Variants in STT3B observed in about 807,000 individuals in gnomAD.
The protein encoded by STT3B is STT3 oligosaccharyltransferase complex catalytic subunit B, also known as dolichyl-diphosphooligosaccharide--protein glycosyltransferase subunit STT3B.
STT3B carries 29 observed loss-of-function variants against 96.8 expected under a neutral mutation model. The ratio of observed to expected loss-of-function variants is 0.30; its 90% CI spans 0.22 to 0.41. The LOEUF (loss-of-function observed/expected upper bound fraction) is 0.41, where lower values mean the gene tolerates loss of function less well. Among genes scored for constraint, STT3B ranks in the 10% least tolerant of loss-of-function variants. STT3B has a pLI of 1.00. For missense variants in STT3B, 640 were observed against 1,022.3 expected, an observed-to-expected ratio of 0.63 and a Z score of 5.10; for synonymous variants, 367 against 360.0, an observed-to-expected ratio of 1.02 and a Z score of -0.22.
chr3:31,572,117 A>G (rs1428298857), intron 1 of STT3B, among the ~76,000 whole-genome samples: 3 of 135,518 alleles, frequency 2.2e-5, no homozygotes, highest in Non-Finnish European at 3.1e-5. Flanking sequence ...TATATTATAT[A>G]TCTCAAAAAG....
chr3:31,598,339 A>G (rs1212670476), intron 4 of STT3B, among the ~76,000 whole-genome samples: 1 of 152,214 alleles, frequency 6.6e-6, no homozygotes, highest in East Asian at 1.9e-4. Flanking sequence ...TAACTGCTTA[A>G]TGTTAAAATC....
intron 3 of STT3B, among the ~76,000 whole-genome samples, chr3:31,583,639 C>T (rs567859911): frequency 1.1e-4 from 16 of 152,174 alleles, no homozygotes; most frequent in African/African-American, 3.6e-4. Context: ...TACATAACTG[C>T]ATGTAGTTGG....
chr3:31,555,786 CATATTTAAT>C (rs1047737666), intron 1 of STT3B, among the ~76,000 whole-genome samples: 3 of 152,158 alleles, frequency 2.0e-5, no homozygotes, highest in African/African-American at 7.2e-5. Flanking sequence ...TAATATTTTA[CATATTTAAT>C]GGTGTACATA....
intron 3 of STT3B, among the ~76,000 whole-genome samples, chr3:31,582,032 G>A (rs1462958048): frequency 6.6e-6 from 1 of 152,156 alleles, no homozygotes; most frequent in Non-Finnish European, 1.5e-5. Flanking sequence ...TATGGAATCA[G>A]TAGTAATGTC....
At chr3:31,597,454 G>T (rs1333333107) in intron 4 of STT3B, among the ~76,000 whole-genome samples, 1 of 151,966 alleles carries the variant, frequency 6.6e-6, no homozygotes, top group African/African-American at 2.4e-5. Flanking sequence ...CACCATGCCT[G>T]GCCTGTCATT....
At chr3:31,555,582 G>A (rs1697685226) in intron 1 of STT3B, among the ~76,000 whole-genome samples, 1 of 151,874 alleles carries the variant, frequency 6.6e-6, no homozygotes, top group Admixed American at 6.6e-5. Flanking sequence ...TTGAATCATA[G>A]GCCCTTATTA....
chr3:31,629,650 A>G (rs976940567), intron 14 of STT3B, among the ~76,000 whole-genome samples: 3 of 152,210 alleles, frequency 2.0e-5, no homozygotes, highest in African/African-American at 7.2e-5. Flanking sequence ...CCTCAAATCC[A>G]ATCTTTGCTT....
At chr3:31,608,624 T>G (rs1466618656) in intron 5 of STT3B, among the ~76,000 whole-genome samples, 3 of 152,188 alleles carry the variant, frequency 2.0e-5, no homozygotes, top group Non-Finnish European at 2.9e-5. Context: ...ATAGAAACAG[T>G]CTTCATGTTC....
At chr3:31,570,029 A>G (rs1442130125) in intron 1 of STT3B, among the ~76,000 whole-genome samples, 1 of 152,172 alleles carries the variant, frequency 6.6e-6, no homozygotes, top group Non-Finnish European at 1.5e-5. Context: ...ATGAACCTCC[A>G]TGAATACATC....
intron 3 of STT3B, among the ~76,000 whole-genome samples, chr3:31,587,485 C>G (rs768318448): frequency 6.6e-6 from 1 of 151,866 alleles, no homozygotes; most frequent in East Asian, 1.9e-4. Context: ...CTCAAGCTAC[C>G]CTCCCACCTC....
At chr3:31,591,916 A>G (rs1441314717) in intron 3 of STT3B, among the ~76,000 whole-genome samples, 1 of 151,848 alleles carries the variant, frequency 6.6e-6, no homozygotes, top group East Asian at 1.9e-4. Context: ...CTGTAATGGG[A>G]TTTTTCAATT....
At chr3:31,564,285 C>G (rs1318666069) in intron 1 of STT3B, among the ~76,000 whole-genome samples, 2 of 152,118 alleles carry the variant, frequency 1.3e-5, no homozygotes, top group Non-Finnish European at 2.9e-5. Context: ...TAAAATAGTT[C>G]AGAGGAGCTT....
At chr3:31,575,046 A>G (rs1186952858) in intron 1 of STT3B, among the ~76,000 whole-genome samples, 2 of 152,094 alleles carry the variant, frequency 1.3e-5, no homozygotes, top group South Asian at 2.1e-4. Flanking sequence ...ATCCTTTATC[A>G]TAAGTCTGTT....
At chr3:31,615,844 T>C (rs1699295362) in intron 6 of STT3B, among the ~76,000 whole-genome samples, 1 of 151,934 alleles carries the variant, frequency 6.6e-6, no homozygotes, top group South Asian at 2.1e-4. Context: ...AAAATTAATA[T>C]TCTAGATGCT....
chr3:31,616,211 G>T (rs139973279), intron 6 of STT3B, among the ~76,000 whole-genome samples: 2 of 151,940 alleles, frequency 1.3e-5, no homozygotes, highest in East Asian at 3.9e-4. Flanking sequence ...AGAACTTAAG[G>T]CCTATTTGTT....
intron 1 of STT3B, among the ~76,000 whole-genome samples, chr3:31,549,715 T>C (rs1473912204): frequency 6.6e-6 from 1 of 152,186 alleles, no homozygotes; most frequent in Non-Finnish European, 1.5e-5. Context: ...TAATATCTAG[T>C]AACAATAAAG....
intron 3 of STT3B, among the ~76,000 whole-genome samples, chr3:31,580,660 T>A (rs932668449): frequency 2.0e-5 from 3 of 152,132 alleles, no homozygotes; most frequent in Non-Finnish European, 2.9e-5. Context: ...TATTTTTAGG[T>A]AGCTAGGTGA....
intron 1 of STT3B, among the ~76,000 whole-genome samples, chr3:31,550,353 G>A (rs766889389): frequency 6.6e-6 from 1 of 152,168 alleles, no homozygotes; most frequent in Non-Finnish European, 1.5e-5. Flanking sequence ...TTCTCTCTGT[G>A]TTGCTCAAAG....
chr3:31,580,860 C>A (rs1213745713), intron 3 of STT3B, among the ~76,000 whole-genome samples: 1 of 151,136 alleles, frequency 6.6e-6, no homozygotes, highest in Non-Finnish European at 1.5e-5. Context: ...TGATACCAAG[C>A]AGTAGGATGT....
Sources: gnomAD v4.1 joint callset for allele counts (sites outside exome capture counted in the v4.1 genomes callset) on GRCh38, gnomAD v4.1.1 for gene constraint, MANE v1.5 for transcripts, NCBI Gene and HGNC (gene_info 2026-07-23, HGNC 2026-07-21) for gene names.